Variants in RBFOX1 observed in about 807,000 individuals in gnomAD.
The protein encoded by RBFOX1 is RNA binding protein fox-1 homolog 1.
Under a neutral mutation model 57.7 loss-of-function variants are expected in RBFOX1, and 8 were observed. The ratio of observed to expected loss-of-function variants is 0.14; its 90% CI spans 0.08 to 0.25. RBFOX1 has a LOEUF of 0.25. Among genes scored for constraint, RBFOX1 ranks in the 10% least tolerant of loss-of-function variants. The pLI is 1.00. For synonymous variants in RBFOX1, 326 were observed against 222.4 expected, an observed-to-expected ratio of 1.47 and a Z score of -4.15; for missense variants, 611 against 548.5, an observed-to-expected ratio of 1.11 and a Z score of -1.14.
chr16:7,076,147 T>C (rs1009193755), intron 4 of RBFOX1, among the ~76,000 whole-genome samples: 1 of 151,814 alleles, frequency 6.6e-6, no homozygotes, highest in Admixed American at 6.6e-5. Flanking sequence ...GTTCAAGTGA[T>C]TCCCCTGCCT....
At chr16:7,706,320 G>T (rs538473413) in intron 14 of RBFOX1, among the ~76,000 whole-genome samples, 1 of 152,208 alleles carries the variant, frequency 6.6e-6, no homozygotes, top group African/African-American at 2.4e-5. Context: ...ACCCTGAAGA[G>T]AAAAGGAGGC....
intron 2 of RBFOX1, among the ~76,000 whole-genome samples, chr16:6,574,766 T>C (rs1392670420): frequency 2.2e-5 from 3 of 138,804 alleles, no homozygotes; most frequent in Non-Finnish European, 3.1e-5. Context: ...GGGCTGGGCG[T>C]GGTGGCTCAC....
chr16:6,838,178 T>A (rs1236300249), intron 3 of RBFOX1, among the ~76,000 whole-genome samples: 3 of 152,066 alleles, frequency 2.0e-5, no homozygotes, highest in Non-Finnish European at 2.9e-5. Flanking sequence ...TACCTCCCCT[T>A]GCCCCCTAGC....
At chr16:5,640,322 C>A (rs2048817160) in intron 3 of RBFOX1, among the ~76,000 whole-genome samples, 1 of 152,156 alleles carries the variant, frequency 6.6e-6, no homozygotes, top group Non-Finnish European at 1.5e-5. Flanking sequence ...TTTGCACATG[C>A]ACACAGAGAC....
chr16:7,404,109 G>A (rs573637413), intron 4 of RBFOX1, among the ~76,000 whole-genome samples: 46 of 150,100 alleles, frequency 3.1e-4, no homozygotes, highest in African/African-American at 1.1e-3. Flanking sequence ...CTAGAGTGCA[G>A]TGACTCATTC....
intron 2 of RBFOX1, among the ~76,000 whole-genome samples, chr16:5,592,732 A>G (rs2047051080): frequency 6.6e-6 from 1 of 152,180 alleles, no homozygotes. Context: ...GGTGTGGTGG[A>G]AATGTGTGTG....
At chr16:6,655,707 TAAGC>T (rs1261494704) in intron 3 of RBFOX1, among the ~76,000 whole-genome samples, 1 of 152,160 alleles carries the variant, frequency 6.6e-6, no homozygotes, top group Non-Finnish European at 1.5e-5. Flanking sequence ...AGAGGTCAAA[TAAGC>T]AAGTTAAGAG....
chr16:7,417,334 C>G (rs1293075746), intron 4 of RBFOX1, among the ~76,000 whole-genome samples: 1 of 143,308 alleles, frequency 7.0e-6, no homozygotes, highest in East Asian at 2.2e-4. Context: ...GATTGTTCCA[C>G]TGCATTCCAG....
At chr16:7,183,143 T>C (rs2083059270) in intron 4 of RBFOX1, among the ~76,000 whole-genome samples, 1 of 152,124 alleles carries the variant, frequency 6.6e-6, no homozygotes, top group African/African-American at 2.4e-5. Flanking sequence ...TATTCAACCC[T>C]CTTTTTATTA....
intron 2 of RBFOX1, among the ~76,000 whole-genome samples, chr16:6,443,499 C>T (rs1024461739): frequency 4.6e-5 from 7 of 152,122 alleles, no homozygotes; most frequent in Non-Finnish European, 8.8e-5. Flanking sequence ...ACACAAGGAC[C>T]TTCCTGAAAA....
At chr16:7,576,634 A>G (rs17144150) in intron 5 of RBFOX1, among the ~76,000 whole-genome samples, 47,582 of 152,168 alleles carry the variant, frequency 0.31, 8,803 homozygotes, top group East Asian at 0.53. Flanking sequence ...CAATGCAAAG[A>G]TTTCTCCAAA....
intron 3 of RBFOX1, among the ~76,000 whole-genome samples, chr16:5,795,355 G>C (rs1055902977): frequency 1.3e-5 from 2 of 151,652 alleles, no homozygotes; most frequent in African/African-American, 4.9e-5. Context: ...CCTGGCTGGA[G>C]TGCAGTGGCG....
chr16:6,872,566 AAAGAT>A (rs2061124249), intron 3 of RBFOX1, among the ~76,000 whole-genome samples: 1 of 152,184 alleles, frequency 6.6e-6, no homozygotes, highest in Admixed American at 6.5e-5. Flanking sequence ...TTCTTTAAAA[AAAGAT>A]AAGAACGTTT....
intron 1 of RBFOX1, among the ~76,000 whole-genome samples, chr16:6,309,413 C>T (rs544871316): frequency 5.3e-5 from 8 of 152,252 alleles, no homozygotes; most frequent in South Asian, 2.1e-4. Context: ...AGATCCGGCG[C>T]GGCCCAGGAA....
At chr16:5,548,397 AAGG>A (rs1042982653) in intron 2 of RBFOX1, among the ~76,000 whole-genome samples, 2 of 151,768 alleles carry the variant, frequency 1.3e-5, no homozygotes, top group African/African-American at 4.8e-5. Context: ...CAATTAAAAA[AAGG>A]AGCACACACA....
chr16:7,072,172 A>G (rs1317964064), intron 4 of RBFOX1, among the ~76,000 whole-genome samples: 1 of 152,236 alleles, frequency 6.6e-6, no homozygotes, highest in Non-Finnish European at 1.5e-5. Context: ...AATTATTAAT[A>G]GCACTTTCTT....
At chr16:5,369,365 G>A (rs986905670) in intron 1 of RBFOX1, among the ~76,000 whole-genome samples, 1 of 152,150 alleles carries the variant, frequency 6.6e-6, no homozygotes, top group Non-Finnish European at 1.5e-5. Context: ...CTTTATCCTC[G>A]TGATGTCTCT....
intron 3 of RBFOX1, among the ~76,000 whole-genome samples, chr16:5,817,696 TG>T: frequency 7.7e-6 from 1 of 129,626 alleles, no homozygotes; most frequent in East Asian, 2.6e-4. Flanking sequence ...TCTTGTGGGC[TG>T]TATTTTTTTT....
chr16:7,367,752 T>C (rs1290623382), intron 4 of RBFOX1, among the ~76,000 whole-genome samples: 1 of 152,220 alleles, frequency 6.6e-6, no homozygotes, highest in Admixed American at 6.5e-5. Context: ...AATGCAATAG[T>C]GCAGGCTCTG....
Sources: gnomAD v4.1 joint callset for allele counts (sites outside exome capture counted in the v4.1 genomes callset) on GRCh38, gnomAD v4.1.1 for gene constraint, MANE v1.5 for transcripts, NCBI Gene and HGNC (gene_info 2026-07-23, HGNC 2026-07-21) for gene names.